SLC4A5: variants seen among roughly 807,000 people sequenced by gnomAD.
SLC4A5 encodes solute carrier family 4 member 5.
SLC4A5 carries 96 observed loss-of-function variants against 120.4 expected under a neutral mutation model. The ratio of observed to expected loss-of-function variants is 0.80; its 90% confidence interval spans 0.68 to 0.94. The LOEUF (loss-of-function observed/expected upper bound fraction) is 0.94, where lower values mean the gene tolerates loss of function less well. SLC4A5 is among the 40% of genes least tolerant of loss of function. SLC4A5 has a pLI of 0.00. For synonymous variants in SLC4A5, 550 were observed against 571.1 expected (o/e 0.96, Z 0.53); for missense variants, 1,259 against 1,459.5 (o/e 0.86, Z 2.24).
chr2:74,267,560 CAT>C (rs974497348), intron 8 of SLC4A5, among the ~76,000 whole-genome samples: 16 of 152,346 alleles, frequency 1.1e-4, no homozygotes, highest in African/African-American at 2.2e-4. Context: ...TGTGTGCACA[CAT>C]GTGTCTGGAG....
At chr2:74,340,567 G>T (rs747157118) in intron 2 of SLC4A5, among the ~76,000 whole-genome samples, 2 of 152,130 alleles carry the variant, frequency 1.3e-5, no homozygotes, top group Non-Finnish European at 2.9e-5. Context: ...AGATAAATGG[G>T]GTGGGTGTAG....
At chr2:74,299,368 T>C (rs1468740279) in intron 7 of SLC4A5, among the ~76,000 whole-genome samples, 1 of 152,104 alleles carries the variant, frequency 6.6e-6, no homozygotes, top group African/African-American at 2.4e-5. Context: ...TAAATAAATT[T>C]CATGAGACCT....
intron 7 of SLC4A5, among the ~76,000 whole-genome samples, chr2:74,289,494 T>A (rs910001154): frequency 1.3e-5 from 2 of 152,158 alleles, no homozygotes; most frequent in African/African-American, 4.8e-5. Context: ...TTTTTGTATT[T>A]TCTGTAGAGA....
chr2:74,224,902 T>A lies in SLC4A5; in HGVS notation c.3184A>T (p.Lys1062Ter). The A allele has an allele frequency of 2.5e-6, 4 of 1,614,190 alleles. No homozygotes were observed. Among genetic ancestry groups the A allele is most frequent in the Non-Finnish European group, 2.5e-6 (3 of 1,180,034 alleles). Reference sequence around the variant, plus strand: ...TTCCTCTTCTTGTCTGTCTCCTTTTTTTCCTTCTCTGGGAGGATGTTGTCA... The same window carrying A: ...TTCCTCTTCTTGTCTGTCTCCTTTTATTCCTTCTCTGGGAGGATGTTGTCA... The change falls in exon 28 of 31, where the codon AAA becomes TAA. Residue 1062 changes from lysine to a stop codon, truncating the protein, a stop_gained. Transcript: ENST00000394019. LOFTEE classifies it high-confidence loss of function.
At chr2:74,281,158 G>T (rs146523539) in intron 8 of SLC4A5, among the ~76,000 whole-genome samples, 1 of 152,176 alleles carries the variant, frequency 6.6e-6, no homozygotes, top group African/African-American at 2.4e-5. Flanking sequence ...TGCCCTTCCC[G>T]GTCACTGCAG....
chr2:74,306,818 GT>G (rs1426517895), intron 6 of SLC4A5: 9 of 676,806 alleles, frequency 1.3e-5, no homozygotes, highest in Non-Finnish European at 2.1e-5. Flanking sequence ...TTTGCATGGA[GT>G]TGCTGCTGTC....
At chr2:74,316,252 G>A (rs1479070755) in intron 5 of SLC4A5, among the ~76,000 whole-genome samples, 2 of 137,206 alleles carry the variant, frequency 1.5e-5, no homozygotes, top group Admixed American at 7.8e-5. Context: ...TAAAATGATT[G>A]TAGGAAAGAC....
intron 15 of SLC4A5, 113 bp from the exon 16 acceptor site, chr2:74,252,501 C>A: frequency 7.8e-7 from 1 of 1,275,076 alleles, no homozygotes; most frequent in Non-Finnish European, 1.1e-6. Context: ...AATTGTCTAA[C>A]AATATCCACA....
At chr2:74,315,778 CA>C (rs1438971380) in intron 5 of SLC4A5, among the ~76,000 whole-genome samples, 1 of 151,726 alleles carries the variant, frequency 6.6e-6, no homozygotes, top group Non-Finnish European at 1.5e-5. Flanking sequence ...GCCTGGGTGA[CA>C]GAGTGAGACT....
At chr2:74,257,523 A>G (rs959768676) in intron 12 of SLC4A5, among the ~76,000 whole-genome samples, 1 of 152,072 alleles carries the variant, frequency 6.6e-6, no homozygotes, top group African/African-American at 2.4e-5. Flanking sequence ...CTGGAGAAAG[A>G]GGCTTCGGAA....
chr2:74,275,084 G>A (rs1358938854), intron 8 of SLC4A5, among the ~76,000 whole-genome samples: 4 of 152,162 alleles, frequency 2.6e-5, no homozygotes, highest in African/African-American at 7.2e-5. Context: ...AGGAACCTCC[G>A]CTGAGGGCCT....
chr2:74,328,084 G>A, intron 5 of SLC4A5, 36 bp downstream of exon 5: 1 of 975,564 alleles, frequency 1.0e-6, no homozygotes, highest in Non-Finnish European at 1.2e-6. Flanking sequence ...GCATAGCTCT[G>A]TCTACTTTCT....
At chr2:74,226,412 T>A (rs1402405031) in intron 27 of SLC4A5, among the ~76,000 whole-genome samples, 4 of 152,100 alleles carry the variant, frequency 2.6e-5, no homozygotes, top group Admixed American at 2.0e-4. Flanking sequence ...TATTTTGGAG[T>A]AATTTCAAAC....
At chr2:74,331,345 G>A (rs1233696509) in intron 4 of SLC4A5, among the ~76,000 whole-genome samples, 1 of 151,804 alleles carries the variant, frequency 6.6e-6, no homozygotes, top group African/African-American at 2.4e-5. Context: ...AGGTATAGGT[G>A]AGGGTAGTGA....
intron 3 of SLC4A5, among the ~76,000 whole-genome samples, 177 bp downstream of exon 3, chr2:74,338,678 A>G (rs973547357): frequency 1.3e-5 from 2 of 152,154 alleles, no homozygotes; most frequent in East Asian, 3.8e-4. Context: ...AAAGTCAGCC[A>G]GGTGTAGTGG....
At chr2:74,233,629 GC>G (rs1483557106) in intron 22 of SLC4A5, 66 bp from the exon 23 acceptor site, 2 of 1,497,386 alleles carry the variant, frequency 1.3e-6, no homozygotes, top group East Asian at 4.8e-5. Context: ...TTGTCGCCTG[GC>G]CTGCTGTCCC....
intron 10 of SLC4A5, 58 bp downstream of exon 10, chr2:74,264,089 C>T: frequency 6.4e-7 from 1 of 1,562,210 alleles, no homozygotes; most frequent in Non-Finnish European, 8.7e-7. Flanking sequence ...CACCCGGGTA[C>T]CAGGGCCTGA....
At chr2:74,265,343 T>A (rs1476910666) in intron 8 of SLC4A5, 79 bp from the exon 9 acceptor site, 4 of 1,531,362 alleles carry the variant, frequency 2.6e-6, no homozygotes, top group Non-Finnish European at 2.7e-6. Context: ...AAAAGAGGGG[T>A]GTCATGTGGG....
chr2:74,265,384 T>A (rs1217460622), intron 8 of SLC4A5, 120 bp from the exon 9 acceptor site: 1 of 1,192,560 alleles, frequency 8.4e-7, no homozygotes, highest in Non-Finnish European at 1.2e-6. Context: ...GTGGTGTTGG[T>A]CCCAGACTCA....
Sources: allele counts gnomAD v4.1 joint callset (sites outside exome capture counted in the v4.1 genomes callset), GRCh38; gene constraint gnomAD v4.1.1; transcripts MANE v1.5; gene names NCBI Gene and HGNC (gene_info 2026-07-23, HGNC 2026-07-21).